Variants in ST7L observed in about 807,000 individuals in gnomAD.
ST7L encodes suppression of tumorigenicity 7 like, also known as suppressor of tumorigenicity 7 protein-like.
ST7L carries 57 observed loss-of-function variants against 72.5 expected under a neutral mutation model. The observed-to-expected ratio is 0.79, with a 90% CI of 0.64 to 0.98. The LOEUF is 0.98. Among genes scored for constraint, ST7L ranks in the 50% least tolerant of loss-of-function variants. ST7L has a pLI of 0.00. For synonymous variants in ST7L, 221 were observed against 240.9 expected (o/e 0.92, Z 0.77); for missense variants, 576 against 672.2 (o/e 0.86, Z 1.58).
chr1:112,534,232 G>A (rs754529722), intron 14 of ST7L, among the ~76,000 whole-genome samples: 2 of 152,084 alleles, frequency 1.3e-5, no homozygotes, highest in Non-Finnish European at 2.9e-5. Context: ...TATTCCCTCA[G>A]CATTACTATC....
chr1:112,617,869 C>A, intron 1 of ST7L: 1 of 543,332 alleles, frequency 1.8e-6, no homozygotes, highest in Non-Finnish European at 2.9e-6. Flanking sequence ...GCATAGAAAC[C>A]ACCGTTAAGC....
chr1:112,611,667 C>T (rs753314706), intron 2 of ST7L, among the ~76,000 whole-genome samples: 7 of 152,072 alleles, frequency 4.6e-5, no homozygotes, highest in African/African-American at 1.2e-4. Flanking sequence ...AGGCCAGACA[C>T]GGTGGTTCAC....
At chr1:112,619,665 G>A, upstream of ST7L, 2 of 595,056 alleles carry the variant, frequency 3.4e-6, no homozygotes, top group Non-Finnish European at 6.0e-6. Flanking sequence ...CCTACTTCCT[G>A]GGGCGCGGGC....
At chr1:112,544,628 A>G (rs760911182) in intron 13 of ST7L, among the ~76,000 whole-genome samples, 3 of 152,250 alleles carry the variant, frequency 2.0e-5, no homozygotes, top group African/African-American at 7.2e-5. Context: ...CATACAAGAC[A>G]GCAAAGTTAG....
At chr1:112,584,575 C>T (rs1205084391) in intron 6 of ST7L, among the ~76,000 whole-genome samples, 1 of 151,976 alleles carries the variant, frequency 6.6e-6, no homozygotes, top group East Asian at 1.9e-4. Flanking sequence ...GAAACCTGGG[C>T]CTCCTGGGTT....
intron 12 of ST7L, among the ~76,000 whole-genome samples, chr1:112,553,259 CAT>C (rs1491014048): frequency 2.7e-5 from 4 of 149,242 alleles, no homozygotes; most frequent in African/African-American, 9.9e-5. Context: ...CACACACACA[CAT>C]ATTAGAGAGA....
chr1:112,614,450 T>C (rs1669545887), intron 2 of ST7L, among the ~76,000 whole-genome samples: 1 of 152,224 alleles, frequency 6.6e-6, no homozygotes, highest in South Asian at 2.1e-4. Flanking sequence ...AATATGCTTA[T>C]GTTAAATTAT....
In ST7L at chr1:112,575,442, T is replaced by C. The variant is rs191190558; in HGVS notation, c.1245+1544A>G. Among the ~76,000 whole-genome samples the C allele has an allele frequency of 2.6e-4, 40 of 152,238 alleles. 1 individual carries two copies. In the East Asian group the frequency reaches 6.9e-3, roughly 26 times the overall value. On this transcript the variant is annotated intron_variant, in intron 11 of 14. Coordinates refer to ENST00000358039, the MANE Select transcript of ST7L (RefSeq NM_017744.5). ...AATAACTAATGATAAAATAGAACAGTTATAACAATATGTCAATCTTGCATT... is the reference window on the plus strand; with the variant it reads ...AATAACTAATGATAAAATAGAACAGCTATAACAATATGTCAATCTTGCATT...
At chr1:112,578,823 C>T (rs1663582711) in intron 9 of ST7L, among the ~76,000 whole-genome samples, 1 of 152,042 alleles carries the variant, frequency 6.6e-6, no homozygotes, top group Non-Finnish European at 1.5e-5. Context: ...ATTCACAATG[C>T]AATGCAAATT....
intron 3 of ST7L, among the ~76,000 whole-genome samples, chr1:112,610,174 G>A (rs1041733469): frequency 1.3e-5 from 2 of 152,110 alleles, no homozygotes; most frequent in African/African-American, 4.8e-5. Flanking sequence ...ATAGTCCTTG[G>A]CTTCTGTGGG....
chr1:112,520,942 C>T (rs1465323806), downstream of ST7L: 3 of 174,226 alleles, frequency 1.7e-5, no homozygotes, highest in African/African-American at 7.1e-5. Flanking sequence ...AATGGCATGT[C>T]CCTTCTCTGA....
Position 112,584,068 on chromosome 1 carries a change from C to T in ST7L, c.760G>A (p.Glu254Lys), listed in dbSNP as rs775731768. 4 of 1,614,122 alleles carry T rather than the reference C, an allele frequency of 2.5e-6. No individual in the cohort carries two copies. The South Asian group carries it at 4.4e-5, about 18-fold the overall frequency. The change falls in exon 7 of 15, where the codon GAA becomes AAA. Residue 254 changes from glutamate to lysine, a missense_variant. Glu to Lys is a moderately conservative substitution (Grantham distance 56, BLOSUM62 1). This residue lies in a region of ST7L where 511 missense variants were observed against 600.7 expected (regional missense o/e 0.85). Transcript: ENST00000358039. ...EEEATTIVDA[E>K]RLFKQALKAG... The stretch of plus-strand genomic sequence containing the variant: ...TTGAGTGCCTGTTTAAATAACCTTT[C>T]AGCATCTACAATAGTTGTTGCTTCT...
At chr1:112,619,415 C>A (rs3790597), upstream of ST7L, 102,203 of 535,910 alleles carry the variant, frequency 0.19, 11,452 homozygotes, top group South Asian at 0.29. Context: ...CCGCCCCCCC[C>A]CCGGGGTTGG....
rs184861245 is a variant in ST7L at position 112,552,402 on chromosome 1, T to C, written c.1397-1709A>G. Among the ~76,000 whole-genome samples, 466 of 152,214 alleles carry C rather than the reference T, an allele frequency of 3.1e-3. 4 individuals carry two copies. The highest frequency in any genetic ancestry group is 0.011 in the African/African-American group (438 of 41,544). ...TAAACTTTTGTCGCAATTTAGACTT[T>C]ATTTATTTATTTATTTATTGAGACA... On this transcript the variant is annotated intron_variant, in intron 12 of 14. Transcript: ENST00000358039.
rs377429784 is a variant in ST7L at position 112,568,861 on chromosome 1, AATATATATATAT to A, written c.1245+8113_1245+8124del. ...CCTGTTTTTTATAAATATAAATATA[AATATATATATAT>A]ATATATATATATATAAAACAAAAAT... On this transcript the variant is annotated intron_variant, in intron 11 of 14. Transcript: ENST00000358039. 3.5e-5 allele frequency among the ~76,000 whole-genome samples: 4 copies of A among 114,890 alleles called. No homozygotes were observed. In the East Asian group the frequency reaches 1.6e-3, roughly 46 times the overall value. The allele number at this position is 114,890 out of a possible 152,430, so 75.4% of individuals were successfully genotyped here. A position where few individuals can be genotyped will look rare whatever the true frequency, so the allele number is the denominator to read the frequency against.
intron 3 of ST7L, among the ~76,000 whole-genome samples, chr1:112,604,207 G>T (rs1667846024): frequency 6.6e-6 from 1 of 152,134 alleles, no homozygotes; most frequent in Non-Finnish European, 1.5e-5. Flanking sequence ...TACCTGGGAG[G>T]CTGAGGCACA....
chr1:112,547,688 A>G (rs1218712040), intron 13 of ST7L, among the ~76,000 whole-genome samples: 1 of 143,118 alleles, frequency 7.0e-6, no homozygotes, highest in Non-Finnish European at 1.5e-5. Flanking sequence ...TCAGCCTTCC[A>G]AGTAGCTGAG....
intron 11 of ST7L, among the ~76,000 whole-genome samples, chr1:112,556,869 G>A (rs1570996462): frequency 6.7e-6 from 1 of 149,676 alleles, no homozygotes; most frequent in East Asian, 2.0e-4. Flanking sequence ...TCAAGAGGCT[G>A]AGGCAGGAAA....
chr1:112,551,862 A>C (rs1158206605), intron 12 of ST7L, among the ~76,000 whole-genome samples: 1 of 152,236 alleles, frequency 6.6e-6, no homozygotes, highest in Non-Finnish European at 1.5e-5. Flanking sequence ...TATAAACAAG[A>C]GTTAAGTTCC....
Sources: gnomAD v4.1 joint callset for allele counts (sites outside exome capture counted in the v4.1 genomes callset) on GRCh38, gnomAD v4.1.1 for gene constraint, gnomAD v4.1.1 regional missense constraint, MANE v1.5 for transcripts, NCBI Gene and HGNC (gene_info 2026-07-23, HGNC 2026-07-21) for gene names.